RAB31: variants seen among roughly 807,000 people sequenced by gnomAD.
RAB31 encodes the protein RAB31, member RAS oncogene family.
In RAB31, 21 loss-of-function variants were observed where a neutral mutation model predicts 25.6. That is an observed-to-expected ratio of 0.82 (90% CI 0.58 to 1.18). RAB31 has a LOEUF of 1.18. Ranked by LOEUF, RAB31 falls within the 50% of genes most tolerant of loss-of-function variation. The pLI is 0.00. For missense variants in RAB31, 196 were observed against 250.1 expected (o/e 0.78, Z 1.46); for synonymous variants, 87 against 84.0 (o/e 1.04, Z -0.20).
At chr18:9,812,147 C>T (rs890603821) in intron 3 of RAB31, among the ~76,000 whole-genome samples, 2 of 152,212 alleles carry the variant, frequency 1.3e-5, no homozygotes, top group Admixed American at 1.3e-4. Context: ...TCTGTGACCT[C>T]ATCTAACCCT....
chr18:9,839,791 A>T (rs2068723406), intron 5 of RAB31, among the ~76,000 whole-genome samples: 1 of 152,054 alleles, frequency 6.6e-6, no homozygotes, highest in Admixed American at 6.5e-5. Flanking sequence ...GGTCCCTAAG[A>T]TGCTCTGCAG....
intron 5 of RAB31, among the ~76,000 whole-genome samples, chr18:9,826,431 C>T (rs764323442): frequency 1.3e-5 from 2 of 152,054 alleles, no homozygotes; most frequent in Non-Finnish European, 2.9e-5. Context: ...AAAACACACA[C>T]ACAAAACACA....
chr18:9,836,079 G>A (rs2068702811), intron 5 of RAB31, among the ~76,000 whole-genome samples: 1 of 151,982 alleles, frequency 6.6e-6, no homozygotes, highest in Non-Finnish European at 1.5e-5. Context: ...GGATGGTTTT[G>A]ACAGAAAATA....
chr18:9,847,388 A>G (rs938530321), intron 6 of RAB31, among the ~76,000 whole-genome samples: 1 of 151,862 alleles, frequency 6.6e-6, no homozygotes, highest in Non-Finnish European at 1.5e-5. Context: ...GCCTTGGAAG[A>G]CCCCCAGCAC....
chr18:9,798,680 G>A (rs887092771), intron 3 of RAB31, among the ~76,000 whole-genome samples: 5 of 151,730 alleles, frequency 3.3e-5, no homozygotes, highest in African/African-American at 9.7e-5. Context: ...GTGCAGTGAT[G>A]CAATCATAGC....
At chr18:9,791,652 G>A (rs2068460749) in intron 2 of RAB31, among the ~76,000 whole-genome samples, 1 of 152,008 alleles carries the variant, frequency 6.6e-6, no homozygotes, top group South Asian at 2.1e-4. Context: ...GGAGTACCAT[G>A]GTGCCATCTT....
intron 1 of RAB31, among the ~76,000 whole-genome samples, chr18:9,734,243 G>A (rs1207634775): frequency 2.0e-5 from 3 of 152,130 alleles, no homozygotes; most frequent in Non-Finnish European, 4.4e-5. Context: ...AGCCCTGTGA[G>A]GTGTTGCTCT....
chr18:9,821,249 G>T (rs1223601327), intron 5 of RAB31, among the ~76,000 whole-genome samples: 1 of 152,102 alleles, frequency 6.6e-6, no homozygotes, highest in East Asian at 1.9e-4. Context: ...CTTGTTTTAT[G>T]GCTTAGTATA....
intron 5 of RAB31, among the ~76,000 whole-genome samples, chr18:9,829,931 A>G (rs2068668903): frequency 2.0e-5 from 3 of 151,820 alleles, no homozygotes; most frequent in Admixed American, 6.6e-5. Context: ...TGTTATCTCT[A>G]TGTGTTGAAA....
At chr18:9,787,209 TTA>T (rs1170644042) in intron 2 of RAB31, 33 of 218,470 alleles carry the variant, frequency 1.5e-4, no homozygotes, top group African/African-American at 6.7e-4. Flanking sequence ...TGGGACTTAC[TTA>T]ATCTATTCTT....
chr18:9,777,465 C>T (rs1408866658), intron 2 of RAB31, among the ~76,000 whole-genome samples: 11 of 152,302 alleles, frequency 7.2e-5, no homozygotes, highest in Admixed American at 5.2e-4. Flanking sequence ...AAGATGTGCA[C>T]GTTGTGAGAG....
chr18:9,859,322 T>C lies in RAB31; in HGVS notation c.585T>C (p.Cys195=). The change falls in exon 7 of 7, where the codon TGT becomes TGC. Residue 195 remains cysteine (C), a synonymous_variant. Coordinates refer to ENST00000578921, the MANE Select transcript of RAB31 (RefSeq NM_006868.4). Reference sequence around the variant, plus strand: ...CCATGCAAGCCAGCCGCCGGTGCTGTTGACCCAAGGGCCGTGGTCCACGGT... The same window carrying C: ...CCATGCAAGCCAGCCGCCGGTGCTGCTGACCCAAGGGCCGTGGTCCACGGT... ...KPTMQASRRC[C] The C allele has an allele frequency of 6.2e-7, 1 of 1,610,760 alleles. No homozygotes were observed. Among genetic ancestry groups the C allele is most frequent in the Non-Finnish European group, 8.5e-7 (1 of 1,176,968 alleles).
intron 1 of RAB31, among the ~76,000 whole-genome samples, chr18:9,739,331 G>T (rs992544876): frequency 6.6e-6 from 1 of 152,104 alleles, no homozygotes; most frequent in Non-Finnish European, 1.5e-5. Context: ...AATTAGCTGG[G>T]TGTGGTGGCG....
intron 2 of RAB31, among the ~76,000 whole-genome samples, chr18:9,783,076 A>G (rs1052151089): frequency 1.3e-5 from 2 of 152,166 alleles, no homozygotes; most frequent in African/African-American, 4.8e-5. Context: ...GAGATCAGGA[A>G]CACAGAGGGA....
chr18:9,807,468 A>G (rs1224049382), intron 3 of RAB31, among the ~76,000 whole-genome samples: 1 of 152,148 alleles, frequency 6.6e-6, no homozygotes, highest in Admixed American at 6.5e-5. Context: ...GCGAATAGAC[A>G]TACCTAGGAG....
At chr18:9,726,814 C>A (rs111307733) in intron 1 of RAB31, among the ~76,000 whole-genome samples, 1 of 151,996 alleles carries the variant, frequency 6.6e-6, no homozygotes, top group Admixed American at 6.6e-5. Context: ...GTTTAATGCA[C>A]GATGGACTTT....
chr18:9,792,289 T>C, intron 3 of RAB31, 54 bp downstream of exon 3: 1 of 1,555,444 alleles, frequency 6.4e-7, no homozygotes, highest in Non-Finnish European at 8.7e-7. Flanking sequence ...ATAAGATCAG[T>C]TTCTGAAGGT....
chr18:9,769,050 C>T (rs1234198353), intron 1 of RAB31, among the ~76,000 whole-genome samples: 1 of 152,080 alleles, frequency 6.6e-6, no homozygotes, highest in Non-Finnish European at 1.5e-5. Context: ...TTCCATTGGT[C>T]TATATATCTG....
intron 5 of RAB31, among the ~76,000 whole-genome samples, chr18:9,840,212 C>T (rs538776218): frequency 7.8e-4 from 119 of 152,308 alleles, no homozygotes; most frequent in African/African-American, 2.6e-3. Context: ...CGTAGTAATT[C>T]TCAGTGATTT....
Sources: allele counts gnomAD v4.1 joint callset (sites outside exome capture counted in the v4.1 genomes callset), GRCh38; gene constraint gnomAD v4.1.1; transcripts MANE v1.5; gene names NCBI Gene and HGNC (gene_info 2026-07-23, HGNC 2026-07-21).